Variants in LNX2 observed in about 807,000 individuals in gnomAD.
LNX2 encodes ligand of Numb protein X 2.
Under a neutral mutation model 66.2 loss-of-function variants are expected in LNX2, and 35 were observed. That is an observed-to-expected ratio of 0.53 (90% CI 0.40 to 0.70). The LOEUF is 0.70. Among genes scored for constraint, LNX2 ranks in the 30% least tolerant of loss-of-function variants. The pLI, the probability that LNX2 is intolerant of heterozygous loss-of-function variation, is 0.00. For missense variants in LNX2, 791 were observed against 850.8 expected (o/e 0.93, Z 0.87); for synonymous variants, 337 against 315.6 (o/e 1.07, Z -0.72).
chr13:27,555,592 C>A (rs1204687330), intron 7 of LNX2, among the ~76,000 whole-genome samples: 31 of 152,108 alleles, frequency 2.0e-4, no homozygotes, highest in Admixed American at 2.0e-3. Flanking sequence ...TTTGTGTTTT[C>A]TTCTAAGAAT....
chr13:27,620,979 C>G (rs372393530), upstream of LNX2: 2 of 152,596 alleles, frequency 1.3e-5, no homozygotes, highest in East Asian at 1.9e-4. Flanking sequence ...CAGCTGGAGT[C>G]GGGCAGGGTC....
At chr13:27,619,303 T>C (rs1414707276) in intron 1 of LNX2, among the ~76,000 whole-genome samples, 1 of 151,680 alleles carries the variant, frequency 6.6e-6, no homozygotes, top group East Asian at 1.9e-4. Flanking sequence ...CTTCCTTCTT[T>C]ACCTGCCAAA....
intron 1 of LNX2, among the ~76,000 whole-genome samples, chr13:27,603,956 TA>T (rs35389487): frequency 0.13 from 16,752 of 133,332 alleles, 900 homozygotes; most frequent in Middle Eastern, 0.14. Flanking sequence ...TTCCTTCCCT[TA>T]AAAAAAAAAA....
chr13:27,561,931 T>C (rs1172447245), intron 5 of LNX2, among the ~76,000 whole-genome samples: 1 of 152,234 alleles, frequency 6.6e-6, no homozygotes, highest in African/African-American at 2.4e-5. Flanking sequence ...ACAAATTTTA[T>C]CATGTATTTT....
chr13:27,616,586 T>G (rs1955829554), intron 1 of LNX2, among the ~76,000 whole-genome samples: 2 of 152,152 alleles, frequency 1.3e-5, no homozygotes, highest in South Asian at 4.1e-4. Context: ...TACAATACAT[T>G]AATATTTGTT....
intron 1 of LNX2, among the ~76,000 whole-genome samples, chr13:27,618,073 ATAGAAT>A (rs950894196): frequency 5.3e-5 from 8 of 152,234 alleles, no homozygotes; most frequent in African/African-American, 1.9e-4. Context: ...AGGGTAAGTA[ATAGAAT>A]TAGAATTTGA....
Position 27,587,372 on chromosome 13 carries a change from C to G in LNX2, c.-100-5569G>C, listed in dbSNP as rs1160513852. On this transcript the variant is annotated intron_variant, in intron 1 of 9. Transcript: ENST00000316334. The stretch of plus-strand genomic sequence containing the variant: ...ACAGTGCATGTTTGCTCATCTGCCT[C>G]CCCTCCTCTTTGAGGGTAAAAATAG... 3.3e-5 allele frequency among the ~76,000 whole-genome samples: 5 copies of G among 152,254 alleles called. No homozygotes were observed. In the East Asian group the frequency reaches 9.7e-4, roughly 29 times the overall value.
intron 2 of LNX2, among the ~76,000 whole-genome samples, chr13:27,581,036 A>G (rs1201209823): frequency 1.3e-5 from 2 of 152,246 alleles, no homozygotes; most frequent in African/African-American, 2.4e-5. Context: ...ATCTATTTGA[A>G]TATATCAGTT....
intron 1 of LNX2, among the ~76,000 whole-genome samples, chr13:27,595,026 A>G (rs537567947): frequency 1.4e-4 from 21 of 152,336 alleles, no homozygotes; most frequent in African/African-American, 4.8e-4. Flanking sequence ...AATTAAAGCC[A>G]AATTATTCAA....
chr13:27,553,513 C>G, intron 7 of LNX2, 74 bp from the exon 8 acceptor site: 2 of 1,140,988 alleles, frequency 1.8e-6, no homozygotes, highest in Non-Finnish European at 2.6e-6. Flanking sequence ...TGTTTATAAA[C>G]TAAGCAACAA....
At chr13:27,597,687 T>C (rs1955614065) in intron 1 of LNX2, among the ~76,000 whole-genome samples, 1 of 152,014 alleles carries the variant, frequency 6.6e-6, no homozygotes, top group Admixed American at 6.6e-5. Flanking sequence ...AGATGACTGG[T>C]AATGAGAGCT....
chr13:27,582,571 C>G (rs1285881760), intron 1 of LNX2, among the ~76,000 whole-genome samples: 1 of 152,200 alleles, frequency 6.6e-6, no homozygotes, highest in Non-Finnish European at 1.5e-5. Context: ...TACACATTTA[C>G]AGTACAATAT....
At chr13:27,573,057 G>C (rs1377805830) in intron 2 of LNX2, among the ~76,000 whole-genome samples, 1 of 152,184 alleles carries the variant, frequency 6.6e-6, no homozygotes, top group Non-Finnish European at 1.5e-5. Context: ...ATTAGCCAAA[G>C]AATTATAGCA....
At chr13:27,620,572 C>T (rs1293150678), upstream of LNX2, among the ~76,000 whole-genome samples, 1 of 152,184 alleles carries the variant, frequency 6.6e-6, no homozygotes, top group Non-Finnish European at 1.5e-5. Context: ...TCTCAACCGC[C>T]CCTGCTGCCT....
At chr13:27,617,479 T>G (rs1566136790) in intron 1 of LNX2, among the ~76,000 whole-genome samples, 7 of 152,140 alleles carry the variant, frequency 4.6e-5, no homozygotes, top group African/African-American at 1.7e-4. Flanking sequence ...GGGTGGCAAT[T>G]GTAAAGGAAA....
chr13:27,588,615 T>C (rs1955518174), intron 1 of LNX2, among the ~76,000 whole-genome samples: 1 of 152,174 alleles, frequency 6.6e-6, no homozygotes, highest in Admixed American at 6.5e-5. Flanking sequence ...TTCTGCAAAA[T>C]GCTACTATTG....
intron 1 of LNX2, among the ~76,000 whole-genome samples, chr13:27,607,836 A>G (rs1488852892): frequency 1.3e-5 from 2 of 152,246 alleles, no homozygotes; most frequent in Non-Finnish European, 2.9e-5. Flanking sequence ...GGGCATTATT[A>G]GTTAAATTTC....
At chr13:27,584,220 CTTATT>C (rs1013783745) in intron 1 of LNX2, among the ~76,000 whole-genome samples, 18 of 152,218 alleles carry the variant, frequency 1.2e-4, no homozygotes, top group African/African-American at 3.9e-4. Context: ...TATGTATTTG[CTTATT>C]TATTTAAAGT....
At chr13:27,560,769 C>T (rs1955126021) in intron 5 of LNX2, among the ~76,000 whole-genome samples, 1 of 151,864 alleles carries the variant, frequency 6.6e-6, no homozygotes, top group South Asian at 2.1e-4. Context: ...TTGATGCTGA[C>T]TCTTGGTCAT....
Sources: gnomAD v4.1 joint callset for allele counts (sites outside exome capture counted in the v4.1 genomes callset) on GRCh38, gnomAD v4.1.1 for gene constraint, MANE v1.5 for transcripts, NCBI Gene and HGNC (gene_info 2026-07-23, HGNC 2026-07-21) for gene names.